Variants in ATP9B observed in about 807,000 individuals in gnomAD.
The protein encoded by ATP9B is probable phospholipid-transporting ATPase IIB.
A neutral mutation model predicts 146.1 loss-of-function variants in ATP9B; 110 were observed. That is an observed-to-expected ratio of 0.75 (90% CI 0.65 to 0.88). The LOEUF (loss-of-function observed/expected upper bound fraction) is 0.88. Ranked by LOEUF, ATP9B falls within the 40% of genes least tolerant of loss-of-function variation. The probability of loss-of-function intolerance (pLI) is 0.00; values close to 1 mark genes in which losing one functional copy is unlikely to be tolerated. For missense variants in ATP9B, 1,499 were observed against 1,496.4 expected (o/e 1.00, Z -0.03); for synonymous variants, 604 against 569.7 (o/e 1.06, Z -0.86).
rs555768114 is a variant in ATP9B at position 79,193,098 on chromosome 18, A to G, written c.874-85A>G. 8.1e-6 allele frequency: 8 copies of G among 992,104 alleles called. No homozygotes were observed. The African/African-American group carries it at 1.3e-4, about 16-fold the overall frequency. 61.5% of individuals were successfully genotyped at this position (992,104 alleles called of 1,614,324 possible). A position where few individuals can be genotyped will look rare whatever the true frequency, so the allele number is the denominator to read the frequency against. On this transcript the variant is annotated intron_variant, in intron 8 of 29. Coordinates refer to ENST00000426216, the MANE Select transcript of ATP9B (RefSeq NM_198531.5). ...ATTGCTTTTGGTAAATAATATATGA[A>G]CAATATTAATCAGCAAATGAGAAAT...
At chr18:79,265,531 T>A (rs1280285407) in intron 12 of ATP9B, among the ~76,000 whole-genome samples, 1 of 152,178 alleles carries the variant, frequency 6.6e-6, no homozygotes, top group African/African-American at 2.4e-5. Context: ...TACTTTTTAG[T>A]GGGGTTGTTA....
At chr18:79,347,725 C>T in intron 23 of ATP9B, 45 bp from the exon 24 acceptor site, 2 of 1,489,518 alleles carry the variant, frequency 1.3e-6, no homozygotes, top group Non-Finnish European at 1.8e-6. Flanking sequence ...GTCTGATTTC[C>T]AGCGTCCGCC....
intron 1 of ATP9B, among the ~76,000 whole-genome samples, chr18:79,095,344 G>T (rs1243760585): frequency 5.3e-5 from 8 of 152,072 alleles, no homozygotes; most frequent in African/African-American, 1.9e-4. Context: ...CAGACCTATT[G>T]CCCTTAGACT....
At chr18:79,189,455 A>C (rs937148987) in intron 8 of ATP9B, among the ~76,000 whole-genome samples, 1 of 152,146 alleles carries the variant, frequency 6.6e-6, no homozygotes, top group Non-Finnish European at 1.5e-5. Flanking sequence ...TCCCCCACGC[A>C]GTCAAACATT....
At chr18:79,232,760 T>C (rs2095804153) in intron 11 of ATP9B, among the ~76,000 whole-genome samples, 1 of 152,110 alleles carries the variant, frequency 6.6e-6, no homozygotes, top group African/African-American at 2.4e-5. Flanking sequence ...AACGGAGAGA[T>C]AACTGTAATC....
intron 5 of ATP9B, among the ~76,000 whole-genome samples, chr18:79,138,166 T>C (rs2094469588): frequency 6.6e-6 from 1 of 152,210 alleles, no homozygotes; most frequent in Non-Finnish European, 1.5e-5. Flanking sequence ...CTAGAATTTT[T>C]ACCAGTATTT....
At chr18:79,229,441 G>A (rs942525178) in intron 11 of ATP9B, among the ~76,000 whole-genome samples, 1 of 152,224 alleles carries the variant, frequency 6.6e-6, no homozygotes, top group African/African-American at 2.4e-5. Flanking sequence ...TTAAGACAGA[G>A]ACATGGTCTG....
At chr18:79,301,304 C>A (rs913069253) in intron 13 of ATP9B, among the ~76,000 whole-genome samples, 2 of 152,126 alleles carry the variant, frequency 1.3e-5, no homozygotes, top group Non-Finnish European at 2.9e-5. Context: ...CCAGCCTGGC[C>A]AACATGGTGA....
intron 28 of ATP9B, among the ~76,000 whole-genome samples, chr18:79,374,727 A>T (rs1039024908): frequency 6.6e-6 from 1 of 152,384 alleles, no homozygotes; most frequent in Middle Eastern, 3.4e-3. Context: ...CTGTTCTTAC[A>T]TAAAAGAACT....
chr18:79,332,260 T>C (rs1228951409), intron 17 of ATP9B, among the ~76,000 whole-genome samples: 1 of 150,618 alleles, frequency 6.6e-6, no homozygotes, highest in Non-Finnish European at 1.5e-5. Context: ...AAACCCCATC[T>C]CTACTAAAAA....
intron 17 of ATP9B, among the ~76,000 whole-genome samples, chr18:79,333,908 A>G (rs2096805042): frequency 6.6e-6 from 1 of 152,236 alleles, no homozygotes; most frequent in Non-Finnish European, 1.5e-5. Context: ...AAAATTTGAA[A>G]GAGTTGCTCA....
intron 8 of ATP9B, among the ~76,000 whole-genome samples, chr18:79,182,011 C>T (rs1354184055): frequency 1.3e-5 from 2 of 152,094 alleles, no homozygotes; most frequent in East Asian, 3.9e-4. Flanking sequence ...CTGAGATTTT[C>T]ATTTCTATCT....
chr18:79,297,093 C>G (rs188395163), intron 13 of ATP9B, among the ~76,000 whole-genome samples: 28 of 140,518 alleles, frequency 2.0e-4, no homozygotes, highest in African/African-American at 7.0e-4. Context: ...GAGACACAGA[C>G]GACCCAGAGA....
intron 1 of ATP9B, among the ~76,000 whole-genome samples, chr18:79,073,444 C>G (rs902932905): frequency 6.6e-6 from 1 of 152,216 alleles, no homozygotes; most frequent in Admixed American, 6.5e-5. Context: ...CTGGCCAACA[C>G]GGAGAAACCC....
chr18:79,167,756 T>C lies in ATP9B; in HGVS notation c.779-9057T>C, dbSNP rs183379060. ...TCAATGAAGTCCTCACTTCCGGCAGTGGACCTCACTGGGAACTGGCAGCCC... is the reference window on the plus strand; with the variant it reads ...TCAATGAAGTCCTCACTTCCGGCAGCGGACCTCACTGGGAACTGGCAGCCC... On this transcript the variant is annotated intron_variant, in intron 7 of 29. Coordinates refer to ENST00000426216, the MANE Select transcript of ATP9B (RefSeq NM_198531.5). Among the ~76,000 whole-genome samples the C allele has an allele frequency of 1.5e-3, 221 of 152,318 alleles. 3 individuals are homozygous for C. Among genetic ancestry groups the C allele is most frequent in the African/African-American group, 5.0e-3 (208 of 41,572 alleles).
intron 20 of ATP9B, chr18:79,343,837 T>A (rs958458367): frequency 1.6e-5 from 4 of 254,910 alleles, no homozygotes; most frequent in African/African-American, 4.7e-5. Flanking sequence ...GGCCTGTTGC[T>A]CTGTTAAATA....
At chr18:79,150,242 C>T (rs1285038355) in intron 6 of ATP9B, among the ~76,000 whole-genome samples, 3 of 151,760 alleles carry the variant, frequency 2.0e-5, no homozygotes, top group Non-Finnish European at 4.4e-5. Flanking sequence ...TGTGAAGAAG[C>T]GGATCACTTG....
chr18:79,339,616 G>A (rs1240700609), intron 19 of ATP9B, among the ~76,000 whole-genome samples: 9 of 150,776 alleles, frequency 6.0e-5, no homozygotes, highest in Admixed American at 1.3e-4. Context: ...TGTCATGATC[G>A]CAATAGGAAG....
intron 4 of ATP9B, 144 bp from the exon 5 acceptor site, chr18:79,126,123 A>T (rs1298633036): frequency 1.6e-6 from 1 of 606,322 alleles, no homozygotes; most frequent in Non-Finnish European, 2.8e-6. Context: ...TTTCATTGTT[A>T]CTTTTTGACT....
Sources: allele counts gnomAD v4.1 joint callset (sites outside exome capture counted in the v4.1 genomes callset), GRCh38; gene constraint gnomAD v4.1.1; transcripts MANE v1.5; gene names NCBI Gene and HGNC (gene_info 2026-07-23, HGNC 2026-07-21).